COL18A1: variants seen among roughly 807,000 people sequenced by gnomAD.
COL18A1 encodes collagen type XVIII alpha 1 chain, also known as collagen alpha-1(XVIII) chain.
A neutral mutation model predicts 168.0 loss-of-function variants in COL18A1; 133 were observed. The observed-to-expected ratio is 0.79, with a 90% CI of 0.69 to 0.91. The LOEUF (loss-of-function observed/expected upper bound fraction) is 0.91, where lower values mean the gene tolerates loss of function less well. COL18A1 is among the 40% of genes least tolerant of loss of function. COL18A1 has a pLI of 0.00. For synonymous variants in COL18A1, 949 were observed against 809.0 expected (o/e 1.17, Z -2.94); for missense variants, 2,126 against 1,925.4 (o/e 1.10, Z -1.95).
chr21:45,453,009 ATGTG>A (rs776687676), intron 2 of COL18A1, among the ~76,000 whole-genome samples: 15 of 149,480 alleles, frequency 1.0e-4, no homozygotes, highest in South Asian at 4.2e-4. Flanking sequence ...GCCTATATGT[ATGTG>A]TGTGATTGCG....
rs763012413 is a variant in COL18A1, at chr21:45,492,527, G to A, written c.2158-8G>A. On this transcript the variant is annotated splice_region_variant and splice_polypyrimidine_tract_variant and intron_variant, in intron 22 of 41. Transcript: ENST00000651438. The stretch of plus-strand genomic sequence containing the variant: ...TTGTTTCCGATTTTTCCTTTTGCTC[G>A]TGGACAGGGATCCGTCCTGAGCGTG... 54 of 1,613,414 alleles carry A rather than the reference G, an allele frequency of 3.3e-5. No individual in the cohort carries two copies. Among genetic ancestry groups the A allele is most frequent in the Non-Finnish European group, 4.0e-5 (47 of 1,180,004 alleles).
At chr21:45,490,564 GTGCCCTCTCA>G (rs1366548391) in intron 20 of COL18A1, among the ~76,000 whole-genome samples, 12 of 118,784 alleles carry the variant, frequency 1.0e-4, no homozygotes, top group African/African-American at 3.2e-4. Flanking sequence ...GGGTCTCCGT[GTGCCCTCTCA>G]GGTCCCTGGG....
At chr21:45,439,417 C>T (rs1480102790) in intron 2 of COL18A1, among the ~76,000 whole-genome samples, 1 of 152,260 alleles carries the variant, frequency 6.6e-6, no homozygotes, top group Non-Finnish European at 1.5e-5. Context: ...AGGTCATGAC[C>T]TTTTACTTTC....
chr21:45,418,767 A>AGCCACCTCACGTCCCTTCCTGG (rs1265496373), intron 2 of COL18A1, among the ~76,000 whole-genome samples: 1 of 151,590 alleles, frequency 6.6e-6, no homozygotes, highest in Non-Finnish European at 1.5e-5. Context: ...GGGGCCTCCA[A>AGCCACCTCACGTCCCTTCCTGG]GGCTGTCTCT....
At chr21:45,446,919 C>T (rs950559524) in intron 2 of COL18A1, among the ~76,000 whole-genome samples, 1 of 152,144 alleles carries the variant, frequency 6.6e-6, no homozygotes, top group African/African-American at 2.4e-5. Context: ...TCAATAGATG[C>T]AGAGAAAGTA....
At chr21:45,500,915 G>GGT (rs769153123) in intron 32 of COL18A1, among the ~76,000 whole-genome samples, 2 of 35,220 alleles carry the variant, frequency 5.7e-5, no homozygotes, top group East Asian at 1.1e-3. Flanking sequence ...GGTGTGTTTT[G>GGT]GTGTGTGTGT....
chr21:45,431,605 A>G (rs1405199207), intron 2 of COL18A1, among the ~76,000 whole-genome samples: 20 of 151,700 alleles, frequency 1.3e-4, no homozygotes, highest in Non-Finnish European at 2.2e-4. Context: ...GGCCAGGCCT[A>G]GACGGCCCAC....
chr21:45,472,232 T>G (rs1043983783), intron 3 of COL18A1, among the ~76,000 whole-genome samples: 7 of 147,370 alleles, frequency 4.7e-5, no homozygotes, highest in Non-Finnish European at 9.1e-5. Context: ...TTTTTTTTTG[T>G]TTTTTTTTTG....
intron 2 of COL18A1, among the ~76,000 whole-genome samples, chr21:45,429,630 C>G (rs1206499535): frequency 2.0e-5 from 3 of 152,304 alleles, no homozygotes; most frequent in African/African-American, 7.2e-5. Flanking sequence ...AATGAACATG[C>G]TCATGAGCAG....
At position 45,493,570 on chromosome 21, in the gene COL18A1, G is replaced by A. The variant is rs767889829; in HGVS notation, c.2347G>A (p.Ala783Thr). 1.9e-6 allele frequency: 3 copies of A among 1,552,666 alleles called. No individual in the cohort carries two copies. The East Asian group carries it at 7.3e-5, about 38-fold the overall frequency. The change falls in exon 26 of 42, where the codon GCC becomes ACC. Residue 783 changes from alanine to threonine, a missense_variant. Ala to Thr is a moderately conservative substitution (Grantham distance 58). Coordinates refer to ENST00000651438, the MANE Select transcript of COL18A1 (RefSeq NM_001379500.1). ...TGCCCTGGGCCCTGCCCAGAAAGGA[G>A]CCAAGGTGAGGGCCGGGCAGCCTCC... ...GGALGPAQKG[A>T]KGEPGFRGPP...
chr21:45,428,017 C>G (rs137975649), intron 2 of COL18A1, among the ~76,000 whole-genome samples: 2 of 152,218 alleles, frequency 1.3e-5, no homozygotes, highest in Non-Finnish European at 1.5e-5. Context: ...TCACAGCCAA[C>G]GCAGCCTACT....
At position 45,457,041 on chromosome 21, in the gene COL18A1, C is replaced by T. The variant is rs1280976098; in HGVS notation, c.107-11201C>T. On this transcript the variant is annotated intron_variant, in intron 2 of 41. Transcript: ENST00000651438. The surrounding 1 kb of genome is among the most constrained non-coding windows in gnomAD (Gnocchi z 4.6). Reference sequence around the variant, plus strand: ...GGTGGGAGAGCTGGGAGTGAGGCCTCCTGTGTGGGGAGGAGGCCGGCGTCT... The same window carrying T: ...GGTGGGAGAGCTGGGAGTGAGGCCTTCTGTGTGGGGAGGAGGCCGGCGTCT... Among the ~76,000 whole-genome samples, 1 of 152,194 alleles carries T rather than the reference C, an allele frequency of 6.6e-6. No individual in the cohort carries two copies. Among genetic ancestry groups the T allele is most frequent in the African/African-American group, 2.4e-5 (1 of 41,458 alleles).
At chr21:45,479,438 ACAC>A (rs748484987) in intron 9 of COL18A1, among the ~76,000 whole-genome samples, 2 of 152,284 alleles carry the variant, frequency 1.3e-5, no homozygotes, top group Non-Finnish European at 2.9e-5. Flanking sequence ...ACATGCACAC[ACAC>A]CACACATTAC....
At chr21:45,461,259 T>A (rs1297269840) in intron 2 of COL18A1, among the ~76,000 whole-genome samples, 20 of 152,116 alleles carry the variant, frequency 1.3e-4, no homozygotes, top group African/African-American at 4.8e-4. Flanking sequence ...CATTCCCAGA[T>A]AAACAAAAGC....
At chr21:45,492,984 G>A (rs140354106) in intron 24 of COL18A1, among the ~76,000 whole-genome samples, 179 bp from the exon 25 acceptor site, 1,849 of 152,106 alleles carry the variant, frequency 0.012, 27 homozygotes, top group Middle Eastern at 0.027. Flanking sequence ...GAGGTGTCCT[G>A]GTGGGGGTCA....
Position 45,456,101 on chromosome 21 carries a change from C to T in COL18A1, c.107-12141C>T, listed in dbSNP as rs369474928. The T allele has an allele frequency of 2.5e-6, 4 of 1,591,896 alleles. No homozygotes were observed. In the African/African-American group the frequency reaches 4.0e-5, roughly 16 times the overall value. ...AACCGAGGCTGGCACCTTGCCTGCA[C>T]CCACCCCATCGCCTCCCTCCCTGGG... On this transcript the variant is annotated intron_variant, in intron 2 of 41. Transcript: ENST00000651438.
At position 45,512,775 on chromosome 21, in the gene COL18A1, A is replaced by C; in HGVS notation, c.*377A>C. ...CCAGCAGGTGCTGACTTCATCTCCC[A>C]CCTAGCAGCACCGTTCTGTGCACAA... On this transcript the variant is annotated 3_prime_UTR_variant, in exon 42 of 42. Transcript: ENST00000651438. 2.9e-6 allele frequency: 1 copy of C among 349,040 alleles called. No individual in the cohort carries two copies. Among genetic ancestry groups the C allele is most frequent in the Non-Finnish European group, 5.5e-6 (1 of 182,166 alleles). 21.6% of individuals were successfully genotyped at this position (349,040 alleles called of 1,614,324 possible).
chr21:45,495,840 T>C (rs2036519141), intron 29 of COL18A1: 1 of 334,022 alleles, frequency 3.0e-6, no homozygotes. Context: ...CATACAGGTA[T>C]ATACATACAC....
chr21:45,421,566 C>A (rs750924694), intron 2 of COL18A1: 2 of 534,616 alleles, frequency 3.7e-6, no homozygotes, highest in East Asian at 5.4e-5. Flanking sequence ...AAAACCTCGG[C>A]CTTCCATTTC....
Sources: allele counts gnomAD v4.1 joint callset (sites outside exome capture counted in the v4.1 genomes callset), GRCh38; gene constraint gnomAD v4.1.1; non-coding constraint Gnocchi (gnomAD v3.1); transcripts MANE v1.5; gene names NCBI Gene and HGNC (gene_info 2026-07-23, HGNC 2026-07-21).